Variants in MUC22 observed in about 807,000 individuals in gnomAD.
MUC22 encodes mucin-22.
MUC22 carries 24 observed loss-of-function variants against 40.3 expected under a neutral mutation model. That is an observed-to-expected ratio of 0.60 (90% CI 0.43 to 0.84). The LOEUF (loss-of-function observed/expected upper bound fraction) is 0.84, where lower values mean the gene tolerates loss of function less well. Among genes scored for constraint, MUC22 ranks in the 40% least tolerant of loss-of-function variants. The pLI, the probability that MUC22 is intolerant of heterozygous loss-of-function variation, is 0.00. For synonymous variants in MUC22, 765 were observed against 844.5 expected, an observed-to-expected ratio of 0.91 and a Z score of 1.63; for missense variants, 1,926 against 2,130.7, an observed-to-expected ratio of 0.90 and a Z score of 1.89.
chr6:31,026,239 G>GGCTCTGAGA, exon 2 of MUC22: 1 of 1,528,858 alleles, frequency 6.5e-7, no homozygotes, highest in South Asian at 1.2e-5. Flanking sequence ...CACCACCACA[G>GGCTCTGAGA]CCTCTACCAC....
upstream of MUC22, among the ~76,000 whole-genome samples, chr6:31,007,328 C>T (rs556262061): frequency 1.6e-4 from 24 of 152,296 alleles, no homozygotes; most frequent in South Asian, 3.1e-3. This position sits in a 1 kb window ranked among gnomAD's most constrained non-coding sequence, Gnocchi z 4.0. Context: ...GAGAGATCTC[C>T]AAATCCAGGG....
upstream of MUC22, among the ~76,000 whole-genome samples, chr6:31,008,130 C>T (rs1763627293): frequency 6.6e-6 from 1 of 152,220 alleles, no homozygotes; most frequent in Non-Finnish European, 1.5e-5. Context: ...GACATGACAA[C>T]CTCCTTTTAT....
At position 31,011,090 on chromosome 6, in the gene MUC22, A is replaced by G. The variant is rs1763839122; in HGVS notation, c.70+314A>G. On this transcript the variant is annotated intron_variant, in intron 1 of 3. Transcript: ENST00000561890. The surrounding 1 kb of genome is among the most constrained non-coding windows in gnomAD (Gnocchi z 4.5). The stretch of plus-strand genomic sequence containing the variant: ...GATTTTACTTTCCTTTGTATCTTGG[A>G]TAAAAGTTTTTTTTTTTAACCGGAA... Among the ~76,000 whole-genome samples the G allele has an allele frequency of 7.7e-6, 1 of 130,576 alleles. No homozygotes were observed. The allele number at this position is 130,576 out of a possible 152,430, so 85.7% of individuals were successfully genotyped here. A position where few individuals can be genotyped will look rare whatever the true frequency, so the allele number is the denominator to read the frequency against.
intron 1 of MUC22, among the ~76,000 whole-genome samples, chr6:31,017,017 A>C (rs557834093): frequency 2.0e-5 from 3 of 152,240 alleles, no homozygotes; most frequent in Admixed American, 2.0e-4. Context: ...TTCTCGCCGG[A>C]CCTCAGCTGC....
chr6:31,029,935 A>G, exon 2 of MUC22: 8 of 1,513,852 alleles, frequency 5.3e-6, no homozygotes, highest in Non-Finnish European at 7.1e-6. Context: ...TTCCACTGCA[A>G]GCTTGGAGCC....
exon 2 of MUC22, chr6:31,028,827 C>G (rs576647994): frequency 1.3e-6 from 2 of 1,532,788 alleles, no homozygotes. Flanking sequence ...CTACCATAGG[C>G]TCTGAGACCA....
At position 31,032,509 on chromosome 6, in the gene MUC22, G is replaced by A; in HGVS notation, c.4983G>A (p.Trp1661Ter). The stretch of plus-strand genomic sequence containing the variant: ...AACCAAGTGGATATTTACAGCCCTG[G>A]GCTATCATCCTCATTTCCCTGGCTG... The change falls in exon 3 of 4, where the codon TGG (tryptophan) becomes TGA (stop). Residue 1661 changes from tryptophan to a stop codon, truncating the protein, a stop_gained. Coordinates refer to ENST00000561890, the Ensembl canonical transcript of MUC22. LOFTEE classifies it high-confidence loss of function. This position sits in a 1 kb window ranked among gnomAD's most constrained non-coding sequence, Gnocchi z 4.1. The A allele has an allele frequency of 6.5e-7, 1 of 1,535,722 alleles. No individual in the cohort carries two copies. The highest frequency in any genetic ancestry group is 2.4e-5 in the East Asian group (1 of 40,926).
At chr6:31,015,847 T>C (rs1764157697) in intron 1 of MUC22, among the ~76,000 whole-genome samples, 1 of 150,946 alleles carries the variant, frequency 6.6e-6, no homozygotes, top group Non-Finnish European at 1.5e-5. Flanking sequence ...CAGTCAGTTC[T>C]GGGAAATTTT....
intron 1 of MUC22, among the ~76,000 whole-genome samples, chr6:31,010,983 T>C (rs1226506325): frequency 6.7e-6 from 1 of 149,866 alleles, no homozygotes; most frequent in Non-Finnish European, 1.5e-5. Context: ...TAGAAGCAAA[T>C]CTGTATTAGT....
At chr6:31,013,279 G>A (rs576706138) in intron 1 of MUC22, among the ~76,000 whole-genome samples, 70 of 151,716 alleles carry the variant, frequency 4.6e-4, no homozygotes, top group South Asian at 2.7e-3. Flanking sequence ...GGCGCACACC[G>A]CCACGCCCAG....
intron 3 of MUC22, among the ~76,000 whole-genome samples, chr6:31,034,414 C>G (rs1162751523): frequency 6.6e-6 from 1 of 152,168 alleles, no homozygotes; most frequent in Non-Finnish European, 1.5e-5. Flanking sequence ...ATCTGCAGAG[C>G]TAGGGCCTGA....
intron 1 of MUC22, among the ~76,000 whole-genome samples, chr6:31,019,229 T>C (rs1764492394): frequency 6.6e-6 from 1 of 152,228 alleles, no homozygotes; most frequent in Non-Finnish European, 1.5e-5. Flanking sequence ...CTTGACTTCT[T>C]TTCGTGTCAT....
At chr6:31,010,558 T>C (rs1763795425) in exon 1 of MUC22, 3 of 618,238 alleles carry the variant, frequency 4.9e-6, no homozygotes, top group Non-Finnish European at 8.7e-6. Flanking sequence ...AGGCTTACCC[T>C]GGCACTGGCT....
chr6:31,015,915 G>T lies in MUC22; in HGVS notation c.70+5139G>T, dbSNP rs58389965. ...TCCATTTTCTCTGTTCTGTCTTTCT[G>T]AAAAAATCTTATAATTTGGATGTTT... On this transcript the variant is annotated intron_variant, in intron 1 of 3. Transcript: ENST00000561890. Among the ~76,000 whole-genome samples, 1,168 of 151,910 alleles carry T rather than the reference G, an allele frequency of 7.7e-3. 14 individuals are homozygous for T. Among genetic ancestry groups the T allele is most frequent in the African/African-American group, 0.026 (1,085 of 41,414 alleles).
At position 31,028,159 on chromosome 6, in the gene MUC22, A is replaced by C. The variant is rs763682284; in HGVS notation, c.2728A>C (p.Thr910Pro). Reference sequence around the variant, plus strand: ...AGACTCTGAGACCACCATGGTCTCTACCACAGGCTCTGAGAGGACCATCAC... The same window carrying C: ...AGACTCTGAGACCACCATGGTCTCTCCCACAGGCTCTGAGAGGACCATCAC... The change falls in exon 2 of 4, where the codon ACC becomes CCC. Residue 910 changes from threonine to proline, a missense_variant. This residue lies in a region of MUC22 where 1,281 missense variants were observed against 1,337.8 expected (regional missense o/e 0.96). Coordinates refer to ENST00000561890, the Ensembl canonical transcript of MUC22. 318 of 1,534,010 alleles carry C rather than the reference A, an allele frequency of 2.1e-4. 5 individuals carry two copies. The highest frequency in any genetic ancestry group is 2.7e-4 in the Non-Finnish European group (306 of 1,146,532).
At chr6:31,015,285 C>T (rs1435642973) in intron 1 of MUC22, among the ~76,000 whole-genome samples, 3 of 152,028 alleles carry the variant, frequency 2.0e-5, no homozygotes, top group African/African-American at 7.3e-5. Context: ...TCCTGTCTCT[C>T]CCTAGCTAGA....
At chr6:31,027,985 G>A (rs774297567) in exon 2 of MUC22, 1 of 1,533,044 alleles carries the variant, frequency 6.5e-7, no homozygotes, top group Non-Finnish European at 8.7e-7. Context: ...CTCTACTGCA[G>A]ATTCTGAGAA....
chr6:31,031,680 CA>C (rs1476834457), intron 2 of MUC22, among the ~76,000 whole-genome samples: 1 of 152,098 alleles, frequency 6.6e-6, no homozygotes, highest in African/African-American at 2.4e-5. Flanking sequence ...ACTCTTCCCC[CA>C]AAGTCCCCAA....
chr6:31,020,971 G>A (rs1397406231), intron 1 of MUC22, among the ~76,000 whole-genome samples: 1 of 152,214 alleles, frequency 6.6e-6, no homozygotes, highest in Non-Finnish European at 1.5e-5. Context: ...GGCAGGGCTG[G>A]GGACCTGCAG....
Sources: allele counts gnomAD v4.1 joint callset (sites outside exome capture counted in the v4.1 genomes callset), GRCh38; gene constraint gnomAD v4.1.1; regional missense constraint gnomAD v4.1.1; non-coding constraint Gnocchi (gnomAD v3.1); transcripts MANE v1.5; gene names NCBI Gene and HGNC (gene_info 2026-07-23, HGNC 2026-07-21).